Variants in ZNF462 observed in about 807,000 individuals in gnomAD.
The protein encoded by ZNF462 is zinc finger protein 462.
A neutral mutation model predicts 201.9 loss-of-function variants in ZNF462; 10 were observed. The ratio of observed to expected loss-of-function variants is 0.05; its 90% CI spans 0.03 to 0.08. The LOEUF (loss-of-function observed/expected upper bound fraction) is 0.08. Among genes scored for constraint, ZNF462 ranks in the 10% least tolerant of loss-of-function variants. The pLI is 1.00. For synonymous variants in ZNF462, 1,227 were observed against 1,193.3 expected, an observed-to-expected ratio of 1.03 and a Z score of -0.58; for missense variants, 2,523 against 3,168.3, an observed-to-expected ratio of 0.80 and a Z score of 4.89.
intron 7 of ZNF462, among the ~76,000 whole-genome samples, chr9:106,942,398 C>T (rs1830911623): frequency 6.6e-6 from 1 of 152,198 alleles, no homozygotes; most frequent in Admixed American, 6.5e-5. Context: ...TTCAGCCCTG[C>T]TCTTGGGCTC....
At chr9:106,994,826 C>T (rs114483538) in intron 10 of ZNF462, among the ~76,000 whole-genome samples, 1 of 152,170 alleles carries the variant, frequency 6.6e-6, no homozygotes, top group South Asian at 2.1e-4. Flanking sequence ...ACTAAACTCC[C>T]CAGTCAAAAT....
intron 7 of ZNF462, among the ~76,000 whole-genome samples, chr9:106,964,697 T>C (rs1273574902): frequency 6.6e-6 from 1 of 152,126 alleles, no homozygotes; most frequent in Non-Finnish European, 1.5e-5. Flanking sequence ...AACTTGACTT[T>C]ATCAAGTCTT....
chr9:106,925,591 T>G lies in ZNF462; in HGVS notation c.1679T>G (p.Leu560Arg). The G allele has an allele frequency of 6.2e-7, 1 of 1,610,562 alleles. No homozygotes were observed. Among genetic ancestry groups the G allele is most frequent in the Non-Finnish European group, 8.5e-7 (1 of 1,178,046 alleles). ...CCACCACCATCACAGCCACAGCCACTGCAGCAGCCACAGCCACCACAGCTG... is the reference window on the plus strand; with the variant it reads ...CCACCACCATCACAGCCACAGCCACGGCAGCAGCCACAGCCACCACAGCTG... ...PPPPPSQPQPLQQPQPPQLQP... is the reference protein window; with the variant it reads ...PPPPPSQPQPRQQPQPPQLQP... The change falls in exon 3 of 13, where the codon CTG (leucine) becomes CGG (arginine). Residue 560 changes from leucine to arginine, a missense_variant. Around this residue, in one of 15 missense-constraint regions of ZNF462, gnomAD observed 383 missense variants for 453.4 expected, o/e 0.84. Coordinates refer to ENST00000277225, the MANE Select transcript of ZNF462 (RefSeq NM_021224.6). This position sits in a 1 kb window ranked among gnomAD's most constrained non-coding sequence, Gnocchi z 7.9.
intron 7 of ZNF462, among the ~76,000 whole-genome samples, chr9:106,965,751 C>A (rs558220947): frequency 3.7e-4 from 57 of 152,174 alleles, no homozygotes; most frequent in African/African-American, 1.3e-3. Context: ...TAGATGAAGA[C>A]TCAGATGATC....
Position 106,978,903 on chromosome 9 carries a change from T to C in ZNF462, c.6832+4630T>C. The C allele has an allele frequency of 3.1e-6, 1 of 319,526 alleles. No homozygotes were observed. The highest frequency in any genetic ancestry group is 6.0e-6 in the Non-Finnish European group (1 of 167,682). 19.8% of individuals were successfully genotyped at this position (319,526 alleles called of 1,614,324 possible). A position where few individuals can be genotyped will look rare whatever the true frequency, so the allele number is the denominator to read the frequency against. On this transcript the variant is annotated intron_variant, in intron 9 of 12. Transcript: ENST00000277225. This position sits in a 1 kb window ranked among gnomAD's most constrained non-coding sequence, Gnocchi z 4.1. ...GATCTCATCATATCTGTCATTATAA[T>C]TGGTCCTGATGGCTTCTACCAGCTT...
chr9:106,870,682 C>G lies in ZNF462; in HGVS notation c.-31+7327C>G, dbSNP rs933095707. ...CTTAGTAGGAAATTAAGCATTTGCC[C>G]AAGATGAGGAAGCGAAGTCTTACCT... On this transcript the variant is annotated intron_variant, in intron 1 of 12. Transcript: ENST00000277225. This position sits in a 1 kb window ranked among gnomAD's most constrained non-coding sequence, Gnocchi z 4.3. Among the ~76,000 whole-genome samples, 1 of 152,056 alleles carries G rather than the reference C, an allele frequency of 6.6e-6. No homozygotes were observed. Among genetic ancestry groups the G allele is most frequent in the African/African-American group, 2.4e-5 (1 of 41,376 alleles).
rs577655863 is a variant in ZNF462, at chr9:106,943,057, C to CGTGTGTGTGTGTGTGTGTGT, written c.6427+3951_6427+3952insTGTGTGTGTGTGTGTGTGTG. On this transcript the variant is annotated intron_variant, in intron 7 of 12. Coordinates refer to ENST00000277225, the MANE Select transcript of ZNF462 (RefSeq NM_021224.6). ...TGGTAACATAGTTTTGTTTTGCGCG[C>CGTGTGTGTGTGTGTGTGTGT]GCGTGTGTGTGTGTGTGTGTGTGTG... 5.1e-5 allele frequency among the ~76,000 whole-genome samples: 7 copies of CGTGTGTGTGTGTGTGTGTGT among 136,900 alleles called. No individual in the cohort carries two copies. The East Asian group carries it at 1.2e-3, about 24-fold the overall frequency. 89.8% of individuals were successfully genotyped at this position (136,900 alleles called of 152,430 possible).
chr9:107,000,616 A>G (rs1470090280), intron 10 of ZNF462, among the ~76,000 whole-genome samples: 1 of 152,186 alleles, frequency 6.6e-6, no homozygotes, highest in Non-Finnish European at 1.5e-5. Context: ...TCATTTTTAA[A>G]TCTTTTAATT....
intron 10 of ZNF462, among the ~76,000 whole-genome samples, chr9:107,000,031 G>A (rs1156401429): frequency 6.6e-6 from 1 of 152,006 alleles, no homozygotes; most frequent in Non-Finnish European, 1.5e-5. Context: ...CAAGGATATC[G>A]AACACAGGAG....
rs1830499175 is a variant in ZNF462, at chr9:106,933,334, A to C, written c.6116+785A>C. ...AAGGGCCAGTTAGTGGTTGTTGAAC[A>C]GAAGAAGGAGGTGGTGTTTTCACAG... On this transcript the variant is annotated intron_variant, in intron 5 of 12. Transcript: ENST00000277225. This position sits in a 1 kb window ranked among gnomAD's most constrained non-coding sequence, Gnocchi z 4.3. 1 of 152,446 alleles carries C rather than the reference A, an allele frequency of 6.6e-6. No homozygotes were observed. Among genetic ancestry groups the C allele is most frequent in the African/African-American group, 2.4e-5 (1 of 41,464 alleles). The allele number at this position is 152,446 out of a possible 1,614,324, so 9.4% of individuals were successfully genotyped here.
chr9:106,900,807 G>A (rs1486942136), intron 1 of ZNF462, among the ~76,000 whole-genome samples: 1 of 152,072 alleles, frequency 6.6e-6, no homozygotes, highest in Non-Finnish European at 1.5e-5. Context: ...TGTATAGATT[G>A]TGGATGATTT....
At chr9:106,967,711 A>G (rs541621686) in intron 7 of ZNF462, among the ~76,000 whole-genome samples, 1 of 152,234 alleles carries the variant, frequency 6.6e-6, no homozygotes, top group South Asian at 2.1e-4. Context: ...TTTGAGGACA[A>G]TTTATCAAGC....
intron 1 of ZNF462, among the ~76,000 whole-genome samples, chr9:106,896,407 G>C (rs1188043064): frequency 6.6e-6 from 1 of 152,156 alleles, no homozygotes. Context: ...ATGTGAGGTA[G>C]AGTGGACCTT....
Position 106,981,898 on chromosome 9 carries a change from A to G in ZNF462, c.6833-2288A>G, listed in dbSNP as rs1271337013. Among the ~76,000 whole-genome samples the G allele has an allele frequency of 6.6e-6, 1 of 152,226 alleles. No individual in the cohort carries two copies. Among genetic ancestry groups the G allele is most frequent in the East Asian group, 1.9e-4 (1 of 5,196 alleles). ...CTTCACCGTAGAGGTCAACGGAACC[A>G]AGGCAGGCAGGACAGGGCAAAGCCA... On this transcript the variant is annotated intron_variant, in intron 9 of 12. Coordinates refer to ENST00000277225, the MANE Select transcript of ZNF462 (RefSeq NM_021224.6). This position sits in a 1 kb window ranked among gnomAD's most constrained non-coding sequence, Gnocchi z 4.0.
intron 7 of ZNF462, among the ~76,000 whole-genome samples, chr9:106,947,509 T>C (rs1831162787): frequency 6.6e-6 from 1 of 152,214 alleles, no homozygotes; most frequent in South Asian, 2.1e-4. Flanking sequence ...TTGAAAGTCA[T>C]CCATTCTGGT....
At chr9:106,911,490 T>C (rs958694161) in intron 1 of ZNF462, among the ~76,000 whole-genome samples, 2 of 152,082 alleles carry the variant, frequency 1.3e-5, no homozygotes, top group African/African-American at 2.4e-5. Flanking sequence ...TAAAAAAAAA[T>C]TACTGGACCT....
At chr9:106,982,974 T>C (rs530531736) in intron 9 of ZNF462, among the ~76,000 whole-genome samples, 1 of 152,352 alleles carries the variant, frequency 6.6e-6, no homozygotes, top group East Asian at 1.9e-4. Flanking sequence ...CTTGACTTAA[T>C]AATACATTGC....
Position 106,890,669 on chromosome 9 carries a change from T to C in ZNF462, c.-31+27314T>C, listed in dbSNP as rs1026641137. Among the ~76,000 whole-genome samples, 3 of 152,320 alleles carry C rather than the reference T, an allele frequency of 2.0e-5. No individual in the cohort carries two copies. In the East Asian group the frequency reaches 5.8e-4, roughly 29 times the overall value. On this transcript the variant is annotated intron_variant, in intron 1 of 12. Coordinates refer to ENST00000277225, the MANE Select transcript of ZNF462 (RefSeq NM_021224.6). This position sits in a 1 kb window ranked among gnomAD's most constrained non-coding sequence, Gnocchi z 4.2. ...CAAATGTACCTAGGGTCAGAGGGCATATGCTCTGATATGGAATTTTGGAGG... is the reference window on the plus strand; with the variant it reads ...CAAATGTACCTAGGGTCAGAGGGCACATGCTCTGATATGGAATTTTGGAGG...
intron 7 of ZNF462, among the ~76,000 whole-genome samples, chr9:106,953,625 C>T (rs1324896201): frequency 3.9e-5 from 6 of 152,084 alleles, no homozygotes; most frequent in African/African-American, 9.7e-5. Context: ...ACTTGGTTCT[C>T]GTCCTCAGTT....
Sources: gnomAD v4.1 joint callset for allele counts (sites outside exome capture counted in the v4.1 genomes callset) on GRCh38, gnomAD v4.1.1 for gene constraint, gnomAD v4.1.1 regional missense constraint, Gnocchi (gnomAD v3.1) non-coding constraint, MANE v1.5 for transcripts, NCBI Gene and HGNC (gene_info 2026-07-23, HGNC 2026-07-21) for gene names.